IPO11: variants seen among roughly 807,000 people sequenced by gnomAD.
IPO11 encodes the protein importin-11.
IPO11 carries 66 observed loss-of-function variants against 143.2 expected under a neutral mutation model. The observed-to-expected ratio is 0.46, with a 90% CI of 0.38 to 0.57. IPO11 has a LOEUF of 0.57. Ranked by LOEUF, IPO11 falls within the 20% of genes least tolerant of loss-of-function variation. The pLI is 0.00. For synonymous variants in IPO11, 385 were observed against 377.8 expected, an observed-to-expected ratio of 1.02 and a Z score of -0.22; for missense variants, 1,026 against 1,141.0, an observed-to-expected ratio of 0.90 and a Z score of 1.45.
chr5:62,518,410 C>T lies in IPO11; in HGVS notation c.1896+2909C>T, dbSNP rs193224206. On this transcript the variant is annotated intron_variant, in intron 20 of 29. Transcript: ENST00000325324. ...AGTGAGCTGAGATCGCGCCACTGTA[C>T]TCCAGCCTGGGTGACATAGCGAGAC... 5.3e-4 allele frequency among the ~76,000 whole-genome samples: 80 copies of T among 151,816 alleles called. 2 individuals are homozygous for T. The highest frequency in any genetic ancestry group is 6.2e-4 in the South Asian group (3 of 4,812).
chr5:62,432,402 C>T (rs1361581714), intron 1 of IPO11, among the ~76,000 whole-genome samples: 1 of 152,182 alleles, frequency 6.6e-6, no homozygotes, highest in Non-Finnish European at 1.5e-5. Flanking sequence ...GAAATACTGG[C>T]TGGCTGGCTA....
At chr5:62,513,412 T>G (rs1473018424) in intron 19 of IPO11, among the ~76,000 whole-genome samples, 3 of 64,734 alleles carry the variant, frequency 4.6e-5, no homozygotes, top group Non-Finnish European at 9.8e-5. Flanking sequence ...GAGGGGGCGC[T>G]GACCCCCCCC....
At chr5:62,416,196 T>G (rs1306236970) in intron 1 of IPO11, among the ~76,000 whole-genome samples, 1 of 149,534 alleles carries the variant, frequency 6.7e-6, no homozygotes. Flanking sequence ...TTTTTTTTTT[T>G]TTTGAGACGG....
chr5:62,459,435 G>C (rs1018985753), intron 5 of IPO11, among the ~76,000 whole-genome samples: 1 of 151,824 alleles, frequency 6.6e-6, no homozygotes, highest in Non-Finnish European at 1.5e-5. Context: ...GACATCAGCA[G>C]TTTGGCTGGA....
At chr5:62,494,251 T>A in intron 16 of IPO11, 127 bp downstream of exon 16, 1 of 669,588 alleles carries the variant, frequency 1.5e-6, no homozygotes, top group Non-Finnish European at 2.2e-6. Flanking sequence ...AGTTATTCCT[T>A]GGTGAGCAGT....
intron 5 of IPO11, among the ~76,000 whole-genome samples, chr5:62,466,439 T>C (rs1036700815): frequency 6.6e-6 from 1 of 152,250 alleles, no homozygotes. Context: ...AGTATGCTGA[T>C]GATAACTAGT....
intron 29 of IPO11, among the ~76,000 whole-genome samples, chr5:62,626,254 T>G (rs993843431): frequency 1.3e-5 from 2 of 152,178 alleles, no homozygotes. Context: ...GGTCTCGAAC[T>G]CCTGACCTTG....
chr5:62,569,514 G>A (rs1013775492), intron 27 of IPO11, among the ~76,000 whole-genome samples: 1 of 152,106 alleles, frequency 6.6e-6, no homozygotes, highest in Non-Finnish European at 1.5e-5. Flanking sequence ...TCTTATTGTT[G>A]ATGTTTTTAC....
At chr5:62,466,976 A>G (rs1197535240) in intron 5 of IPO11, among the ~76,000 whole-genome samples, 155 bp from the exon 6 acceptor site, 1 of 152,256 alleles carries the variant, frequency 6.6e-6, no homozygotes, top group Non-Finnish European at 1.5e-5. Context: ...TGGCTAAAAA[A>G]GTATGAAACA....
At chr5:62,579,370 T>C in intron 27 of IPO11, 1 of 1,424,372 alleles carries the variant, frequency 7.0e-7, no homozygotes, top group South Asian at 1.2e-5. Context: ...GAAGTTTTCG[T>C]GATTTAAAGC....
intron 1 of IPO11, among the ~76,000 whole-genome samples, chr5:62,429,832 C>T (rs1743916087): frequency 6.6e-6 from 1 of 151,914 alleles, no homozygotes; most frequent in Admixed American, 6.6e-5. Flanking sequence ...ACCGTGTCAG[C>T]CAGGCTGGTC....
intron 29 of IPO11, among the ~76,000 whole-genome samples, chr5:62,609,319 C>T (rs1745846253): frequency 6.6e-6 from 1 of 152,194 alleles, no homozygotes; most frequent in African/African-American, 2.4e-5. Context: ...TCACTTTGCC[C>T]TGTCCCTTGG....
At position 62,440,058 on chromosome 5, in the gene IPO11, C is replaced by T. The variant is rs114265412; in HGVS notation, c.138+2641C>T. Among the ~76,000 whole-genome samples, 1,103 of 152,238 alleles carry T rather than the reference C, an allele frequency of 7.2e-3. 14 individuals are homozygous for T. Among genetic ancestry groups the T allele is most frequent in the African/African-American group, 0.025 (1,038 of 41,540 alleles). ...ACTTCCATTCGTTCACTCATTTGCT[C>T]AATAGAAAGTTAGGAAGTTTCTGCT... is the stretch of plus-strand genomic sequence containing the variant. On this transcript the variant is annotated intron_variant, in intron 2 of 29. Transcript: ENST00000325324.
At chr5:62,587,075 A>G (rs1332822097) in intron 27 of IPO11, among the ~76,000 whole-genome samples, 1 of 151,808 alleles carries the variant, frequency 6.6e-6, no homozygotes, top group Non-Finnish European at 1.5e-5. Context: ...TTTTATAGCA[A>G]AATCACACAG....
At chr5:62,620,153 G>T (rs575866856) in intron 29 of IPO11, among the ~76,000 whole-genome samples, 1 of 152,268 alleles carries the variant, frequency 6.6e-6, no homozygotes, top group South Asian at 2.1e-4. Flanking sequence ...CTGAGAACAT[G>T]TGCCCAAGGT....
At chr5:62,536,656 C>T in intron 22 of IPO11, 46 bp from the exon 23 acceptor site, 1 of 1,555,048 alleles carries the variant, frequency 6.4e-7, no homozygotes, top group Non-Finnish European at 8.6e-7. Flanking sequence ...TAATTTTGAG[C>T]AGTGAATTAA....
chr5:62,513,969 G>A (rs1293832333), intron 19 of IPO11, among the ~76,000 whole-genome samples: 1 of 151,092 alleles, frequency 6.6e-6, no homozygotes, highest in Admixed American at 6.6e-5. Context: ...GCGGGGCAGA[G>A]GCGCTCCCCA....
At chr5:62,441,496 C>CTTTTTTTTTTTTTTT (rs995019567) in intron 2 of IPO11, among the ~76,000 whole-genome samples, 1 of 47,378 alleles carries the variant, frequency 2.1e-5, no homozygotes, top group Non-Finnish European at 3.6e-5. Flanking sequence ...TGTGCCTGGC[C>CTTTTTTTTTTTTTTT]TTTTTTTTTT....
chr5:62,521,176 T>C (rs1280705070), intron 20 of IPO11, among the ~76,000 whole-genome samples: 1 of 152,238 alleles, frequency 6.6e-6, no homozygotes, highest in Non-Finnish European at 1.5e-5. Context: ...GGGATGTCTG[T>C]TTTCTGCGCA....
Sources: gnomAD v4.1 joint callset for allele counts (sites outside exome capture counted in the v4.1 genomes callset) on GRCh38, gnomAD v4.1.1 for gene constraint, MANE v1.5 for transcripts, NCBI Gene and HGNC (gene_info 2026-07-23, HGNC 2026-07-21) for gene names.